The following PFKM variants were observed in gnomAD, a reference collection of about 807,000 sequenced individuals.
The protein encoded by PFKM is ATP-dependent 6-phosphofructokinase, muscle type.
In PFKM, 58 loss-of-function variants were observed where a neutral mutation model predicts 95.5. The ratio of observed to expected loss-of-function variants is 0.61; its 90% confidence interval spans 0.49 to 0.76. The LOEUF (loss-of-function observed/expected upper bound fraction) is 0.76. Among genes scored for constraint, PFKM ranks in the 30% least tolerant of loss-of-function variants. The probability of loss-of-function intolerance (pLI) is 0.00; values close to 1 mark genes in which losing one functional copy is unlikely to be tolerated. For synonymous variants in PFKM, 336 were observed against 357.2 expected (o/e 0.94, Z 0.67); for missense variants, 678 against 1,005.4 (o/e 0.67, Z 4.40).
intron 5 of PFKM, 39 bp downstream of exon 5, chr12:48,133,096 G>A (rs373222406): frequency 2.8e-4 from 449 of 1,576,698 alleles, no homozygotes; most frequent in South Asian, 8.4e-4. Flanking sequence ...TATTTGTGTC[G>A]GTACGTGCAC....
intron 11 of PFKM, among the ~76,000 whole-genome samples, chr12:48,138,475 C>T (rs1950292773): frequency 6.6e-6 from 1 of 152,110 alleles, no homozygotes; most frequent in Admixed American, 6.5e-5. Flanking sequence ...TCTAAATACT[C>T]CCCATCTCCC....
At chr12:48,117,347 C>G (rs574222834), upstream of PFKM, among the ~76,000 whole-genome samples, 1 of 152,320 alleles carries the variant, frequency 6.6e-6, no homozygotes, top group East Asian at 1.9e-4. Flanking sequence ...CAGCTAAATA[C>G]TTAGGAGTGC....
upstream of PFKM, among the ~76,000 whole-genome samples, chr12:48,116,029 C>T (rs1338624922): frequency 2.0e-5 from 3 of 152,178 alleles, no homozygotes; most frequent in Non-Finnish European, 4.4e-5. Context: ...ACTGCAGCTG[C>T]ACCACTTTAC....
intron 11 of PFKM, among the ~76,000 whole-genome samples, chr12:48,138,053 CT>C (rs1438360071): frequency 6.6e-6 from 1 of 152,154 alleles, no homozygotes; most frequent in Non-Finnish European, 1.5e-5. Context: ...TAAAATGTTC[CT>C]AAGGAAGGTG....
intron 10 of PFKM, among the ~76,000 whole-genome samples, chr12:48,135,617 G>C (rs2135928797): frequency 1.3e-5 from 2 of 152,260 alleles, no homozygotes; most frequent in South Asian, 4.1e-4. Context: ...ATATCTTTTT[G>C]TTTTGTTTTG....
intron 1 of PFKM, among the ~76,000 whole-genome samples, chr12:48,120,255 A>G (rs1215483827): frequency 6.6e-6 from 1 of 152,184 alleles, no homozygotes; most frequent in East Asian, 1.9e-4. Flanking sequence ...ATGATTTCTC[A>G]AGTCCAAGTT....
chr12:48,144,976 C>T (rs1009313422), intron 20 of PFKM, 55 bp from the exon 21 acceptor site: 2 of 1,224,020 alleles, frequency 1.6e-6, no homozygotes, highest in Non-Finnish European at 2.4e-6. Context: ...GTCTAGATAT[C>T]TCTGCCACTT....
At position 48,145,750 on chromosome 12, in the gene PFKM, A is replaced by C. The variant is rs1950995861; in HGVS notation, c.*42A>C. 1 of 1,598,330 alleles carries C rather than the reference A, an allele frequency of 6.3e-7. No homozygotes were observed. Among genetic ancestry groups the C allele is most frequent in the African/African-American group, 1.3e-5 (1 of 74,846 alleles). The stretch of plus-strand genomic sequence containing the variant: ...GGGAATAGATTACCTGATCATGGTC[A>C]GCTCACACCCTAATAAGTCCACATC... On this transcript the variant is annotated 3_prime_UTR_variant, in exon 23 of 23. Transcript: ENST00000359794. The surrounding 1 kb of genome is among the most constrained non-coding windows in gnomAD (Gnocchi z 4.3).
intron 1 of PFKM, among the ~76,000 whole-genome samples, chr12:48,106,974 T>C (rs1477253687): frequency 1.3e-5 from 2 of 152,168 alleles, no homozygotes; most frequent in Non-Finnish European, 2.9e-5. Flanking sequence ...GGAAGAAATA[T>C]GTTTGTTCAT....
chr12:48,141,204 C>T, intron 14 of PFKM, 107 bp from the exon 15 acceptor site: 1 of 1,082,982 alleles, frequency 9.2e-7, no homozygotes, highest in Non-Finnish European at 1.4e-6. Context: ...CCTTTTCCAA[C>T]CAAGGGGGAT....
At chr12:48,110,037 T>C (rs1252107791) in intron 3 of PFKM, among the ~76,000 whole-genome samples, 1 of 152,190 alleles carries the variant, frequency 6.6e-6, no homozygotes, top group Non-Finnish European at 1.5e-5. Flanking sequence ...CATGGTTATA[T>C]AACTAGAATG....
At chr12:48,118,924 C>G (rs954293035), upstream of PFKM, among the ~76,000 whole-genome samples, 1 of 152,124 alleles carries the variant, frequency 6.6e-6, no homozygotes, top group African/African-American at 2.4e-5. Context: ...AATGCAAAAT[C>G]TAGCACACAG....
chr12:48,139,307 T>C lies in PFKM; in HGVS notation c.1085T>C (p.Met362Thr). The part of the protein sequence containing the change: ...VQVTKDVTKA[M>T]DEKKFDEALK... ...CAGACCAAAGATGTGACCAAGGCCATGGATGAGAAGAAATTTGACGAAGCC... is the reference window on the plus strand; with the variant it reads ...CAGACCAAAGATGTGACCAAGGCCACGGATGAGAAGAAATTTGACGAAGCC... The change falls in exon 12 of 23, where the codon ATG becomes ACG. Residue 362 changes from methionine to threonine, a missense_variant. Coordinates refer to ENST00000359794, the MANE Select transcript of PFKM (RefSeq NM_000289.6). 2 of 1,613,628 alleles carry C rather than the reference T, an allele frequency of 1.2e-6. No individual in the cohort carries two copies. The highest frequency in any genetic ancestry group is 1.7e-6 in the Non-Finnish European group (2 of 1,179,790).
At chr12:48,120,353 A>G (rs1329025021) in intron 1 of PFKM, among the ~76,000 whole-genome samples, 2 of 152,190 alleles carry the variant, frequency 1.3e-5, no homozygotes, top group Non-Finnish European at 2.9e-5. Context: ...CATGTAGTTC[A>G]TCAGTTCATT....
Position 48,137,726 on chromosome 12 carries a change from C to T in PFKM, c.942C>T (p.Ser314=), listed in dbSNP as rs1402049222. ...TGTTCTCTGGGCTCCTGCAGGGCAGCAGGATGGGTGTGGAAGCAGTGATGG... is the reference window on the plus strand; with the variant it reads ...TGTTCTCTGGGCTCCTGCAGGGCAGTAGGATGGGTGTGGAAGCAGTGATGG... ...TPSAFDRILG[S]RMGVEAVMAL... is the part of the protein sequence containing the mutation. Residue 314 remains serine, a synonymous_variant, in exon 11 of 23, where the codon AGC becomes AGT. Coordinates refer to ENST00000359794, the MANE Select transcript of PFKM (RefSeq NM_000289.6). 1.9e-6 allele frequency: 3 copies of T among 1,614,114 alleles called. No individual in the cohort carries two copies. In the South Asian group the frequency reaches 3.3e-5, roughly 18 times the overall value.
chr12:48,109,321 T>TC (rs1565836304), intron 3 of PFKM, among the ~76,000 whole-genome samples: 3 of 150,954 alleles, frequency 2.0e-5, no homozygotes, highest in African/African-American at 7.3e-5. Context: ...CTTCCTTCCT[T>TC]CCTCCCTCCC....
chr12:48,132,339 G>A (rs1006674174), intron 4 of PFKM: 2 of 290,654 alleles, frequency 6.9e-6, no homozygotes, highest in African/African-American at 4.4e-5. Flanking sequence ...GGATATTGCA[G>A]CTTCTGCTGC....
intron 2 of PFKM, among the ~76,000 whole-genome samples, chr12:48,129,364 G>A (rs550294244): frequency 1.3e-5 from 2 of 151,372 alleles, no homozygotes; most frequent in African/African-American, 4.8e-5. Flanking sequence ...TCCAGCCCTA[G>A]TTCTAAGTTT....
In PFKM at chr12:48,145,796, T is replaced by G. The variant is rs1951000929; in HGVS notation, c.*88T>G. ...ACATCTTCTCAGTGTTTTAGCTGTT[T>G]TTTTCATTAGGTTTCCTTTTATTCT... On this transcript the variant is annotated 3_prime_UTR_variant, in exon 23 of 23. Transcript: ENST00000359794. This position sits in a 1 kb window ranked among gnomAD's most constrained non-coding sequence, Gnocchi z 4.3. 6.9e-7 allele frequency: 1 copy of G among 1,440,662 alleles called. No individual in the cohort carries two copies. Among genetic ancestry groups the G allele is most frequent in the Admixed American group, 1.7e-5 (1 of 59,356 alleles). The allele number at this position is 1,440,662 out of a possible 1,614,324, so 89.2% of individuals were successfully genotyped here.
Sources: allele counts gnomAD v4.1 joint callset (sites outside exome capture counted in the v4.1 genomes callset), GRCh38; gene constraint gnomAD v4.1.1; non-coding constraint Gnocchi (gnomAD v3.1); transcripts MANE v1.5; gene names NCBI Gene and HGNC (gene_info 2026-07-23, HGNC 2026-07-21).